Variants in MDFIC observed in about 807,000 individuals in gnomAD.
The protein encoded by MDFIC is MyoD family inhibitor domain containing.
MDFIC carries 17 observed loss-of-function variants against 23.2 expected under a neutral mutation model. The observed-to-expected ratio is 0.73, with a 90% CI of 0.50 to 1.10. MDFIC has a LOEUF of 1.10. Ranked by LOEUF, MDFIC falls within the 50% of genes least tolerant of loss-of-function variation. The pLI is 0.00. For synonymous variants in MDFIC, 120 were observed against 115.2 expected (o/e 1.04, Z -0.27); for missense variants, 356 against 316.6 (o/e 1.12, Z -0.95).
chr7:114,997,269 G>T (rs971752243), intron 4 of MDFIC, among the ~76,000 whole-genome samples: 1 of 152,160 alleles, frequency 6.6e-6, no homozygotes, highest in Non-Finnish European at 1.5e-5. Flanking sequence ...TGGGGTACAT[G>T]GTTGAGTGCT....
At chr7:114,967,493 G>A (rs1793121633) in intron 3 of MDFIC, among the ~76,000 whole-genome samples, 1 of 152,132 alleles carries the variant, frequency 6.6e-6, no homozygotes, top group South Asian at 2.1e-4. Context: ...GTAAACATAT[G>A]GAATCTTTGT....
At chr7:114,997,061 T>C (rs1791348144) in intron 4 of MDFIC, among the ~76,000 whole-genome samples, 2 of 152,168 alleles carry the variant, frequency 1.3e-5, no homozygotes, top group Admixed American at 6.5e-5. Context: ...GAAGTGACCA[T>C]TGAAATTGTC....
At chr7:114,990,302 G>T (rs986191745) in intron 4 of MDFIC, among the ~76,000 whole-genome samples, 7 of 151,354 alleles carry the variant, frequency 4.6e-5, no homozygotes, top group Admixed American at 1.3e-4. Flanking sequence ...ATTTCCACCC[G>T]CAAAGTTTTA....
At chr7:114,942,611 G>A (rs945717389) in intron 3 of MDFIC, among the ~76,000 whole-genome samples, 11 of 152,218 alleles carry the variant, frequency 7.2e-5, no homozygotes, top group African/African-American at 1.7e-4. Flanking sequence ...GAATTGACGC[G>A]TAAATATTGA....
chr7:115,001,939 C>T (rs116872619), intron 4 of MDFIC, among the ~76,000 whole-genome samples: 4,893 of 152,188 alleles, frequency 0.032, 170 homozygotes, highest in Admixed American at 0.092. Context: ...GAGTTTGAGC[C>T]GAGCCTGGCC....
At chr7:114,941,805 A>G (rs894655987) in intron 2 of MDFIC, among the ~76,000 whole-genome samples, 1 of 152,178 alleles carries the variant, frequency 6.6e-6, no homozygotes, top group Non-Finnish European at 1.5e-5. Flanking sequence ...CGTTCTAGAG[A>G]GAGAATGCTG....
At chr7:114,933,666 C>T (rs1447604199) in intron 2 of MDFIC, among the ~76,000 whole-genome samples, 2 of 152,060 alleles carry the variant, frequency 1.3e-5, no homozygotes, top group Non-Finnish European at 2.9e-5. Context: ...ATAGTTTTCT[C>T]GACAAGATTA....
intron 3 of MDFIC, among the ~76,000 whole-genome samples, chr7:114,977,672 G>C (rs1264392819): frequency 6.6e-6 from 1 of 151,826 alleles, no homozygotes; most frequent in Non-Finnish European, 1.5e-5. Context: ...CAACACAACA[G>C]GTGAATATTC....
chr7:115,009,943 A>G (rs759213679), intron 4 of MDFIC, among the ~76,000 whole-genome samples: 10 of 152,180 alleles, frequency 6.6e-5, no homozygotes, highest in Non-Finnish European at 1.2e-4. Context: ...GAATTGTGCA[A>G]TTCTTGCTTG....
intron 4 of MDFIC, among the ~76,000 whole-genome samples, chr7:115,001,963 C>T (rs925814391): frequency 6.6e-6 from 1 of 152,022 alleles, no homozygotes; most frequent in African/African-American, 2.4e-5. Context: ...ATGGCTAAAC[C>T]CTGTCTGTAC....
At chr7:114,983,911 A>G (rs527607645) in intron 4 of MDFIC, among the ~76,000 whole-genome samples, 3 of 152,242 alleles carry the variant, frequency 2.0e-5, no homozygotes, top group South Asian at 4.1e-4. Flanking sequence ...ACATGAACTC[A>G]TTTAGTCCTC....
rs374284820 is a variant in MDFIC, at chr7:114,969,068, C to T, written c.218-10438C>T. Among the ~76,000 whole-genome samples the T allele has an allele frequency of 6.6e-5, 10 of 152,226 alleles. 1 individual carries two copies. Among genetic ancestry groups the T allele is most frequent in the African/African-American group, 2.2e-4 (9 of 41,534 alleles). On this transcript the variant is annotated intron_variant, in intron 3 of 4. Coordinates refer to ENST00000393486, the MANE Select transcript of MDFIC (RefSeq NM_001166345.3). ...CGAAATTTGACTTTGACTTTTCTGA[C>T]GCTGTTTTCAAAAAGGTTACTTAAC...
At chr7:114,969,445 A>G in intron 3 of MDFIC, among the ~76,000 whole-genome samples, 1 of 152,220 alleles carries the variant, frequency 6.6e-6, no homozygotes, top group Non-Finnish European at 1.5e-5. Context: ...GATACGGTTG[A>G]CGGAATTCTA....
intron 4 of MDFIC, among the ~76,000 whole-genome samples, chr7:114,981,912 C>A (rs1430900304): frequency 6.6e-6 from 1 of 151,930 alleles, no homozygotes; most frequent in Non-Finnish European, 1.5e-5. Context: ...AAACCAAAAC[C>A]AAAACAAAAC....
At chr7:114,939,424 C>T (rs891919309) in intron 2 of MDFIC, among the ~76,000 whole-genome samples, 70 of 152,276 alleles carry the variant, frequency 4.6e-4, no homozygotes, top group African/African-American at 1.7e-3. Context: ...ATTTACTATT[C>T]ATTGAATATA....
At chr7:114,985,915 T>G (rs1793504189) in intron 4 of MDFIC, among the ~76,000 whole-genome samples, 2 of 152,082 alleles carry the variant, frequency 1.3e-5, no homozygotes, top group Admixed American at 1.3e-4. Flanking sequence ...TTCTTTTCTC[T>G]CTGTAATACA....
Position 114,972,847 on chromosome 7 carries a change from G to A in MDFIC, c.218-6659G>A, listed in dbSNP as rs1585108686. ...TGCTCTGGCTGGTCTCAAACTCCTGGGCTCAAGTGATCCTCCGACCTCAGC... is the reference window on the plus strand; with the variant it reads ...TGCTCTGGCTGGTCTCAAACTCCTGAGCTCAAGTGATCCTCCGACCTCAGC... On this transcript the variant is annotated intron_variant, in intron 3 of 4. Coordinates refer to ENST00000393486, the MANE Select transcript of MDFIC (RefSeq NM_001166345.3). Among the ~76,000 whole-genome samples, 6 of 151,990 alleles carry A rather than the reference G, an allele frequency of 3.9e-5. No homozygotes were observed. The South Asian group carries it at 1.2e-3, about 32-fold the overall frequency.
intron 4 of MDFIC, among the ~76,000 whole-genome samples, chr7:114,994,266 T>G (rs150955110): frequency 0.085 from 12,663 of 148,278 alleles, 589 homozygotes; most frequent in South Asian, 0.15. Flanking sequence ...ATGGGGCTCC[T>G]GAATACAACA....
Position 115,016,090 on chromosome 7 carries a change from C to T in MDFIC, c.*155C>T. ...ATCTCTGAAAGCCTTTTTACTTTAA[C>T]CAAATCTACATGGTTTAATATGTGA... On this transcript the variant is annotated 3_prime_UTR_variant, in exon 5 of 5. Coordinates refer to ENST00000393486, the MANE Select transcript of MDFIC (RefSeq NM_001166345.3). 1.4e-6 allele frequency: 1 copy of T among 716,988 alleles called. No homozygotes were observed. 44.4% of individuals were successfully genotyped at this position (716,988 alleles called of 1,614,324 possible).
Sources: gnomAD v4.1 joint callset for allele counts (sites outside exome capture counted in the v4.1 genomes callset) on GRCh38, gnomAD v4.1.1 for gene constraint, MANE v1.5 for transcripts, NCBI Gene and HGNC (gene_info 2026-07-23, HGNC 2026-07-21) for gene names.